BDP1: variants seen among roughly 807,000 people sequenced by gnomAD.
BDP1 encodes BDP1 general transcription factor IIIB subunit, also known as transcription factor TFIIIB component B'' homolog.
Under a neutral mutation model 266.6 loss-of-function variants are expected in BDP1, and 169 were observed. That is an observed-to-expected ratio of 0.63 (90% CI 0.56 to 0.72). BDP1 has a LOEUF of 0.72. BDP1 is among the 30% of genes least tolerant of loss of function. The pLI, the probability that BDP1 is intolerant of heterozygous loss-of-function variation, is 0.00. For synonymous variants in BDP1, 1,090 were observed against 1,022.4 expected, an observed-to-expected ratio of 1.07 and a Z score of -1.26; for missense variants, 3,015 against 3,053.8, an observed-to-expected ratio of 0.99 and a Z score of 0.30.
chr5:71,550,688 G>A (rs1742680968), intron 34 of BDP1, among the ~76,000 whole-genome samples: 1 of 152,104 alleles, frequency 6.6e-6, no homozygotes, highest in African/African-American at 2.4e-5. Flanking sequence ...CCATCGTGTA[G>A]CATTAGAAAT....
downstream of BDP1, among the ~76,000 whole-genome samples, chr5:71,568,791 T>C (rs468564): frequency 0.45 from 68,192 of 151,996 alleles, 15,660 homozygotes; most frequent in South Asian, 0.55. Context: ...GTTAGCATAA[T>C]GTTATACATG....
intron 16 of BDP1, among the ~76,000 whole-genome samples, chr5:71,505,759 G>T (rs544172787): frequency 1.1e-4 from 16 of 152,270 alleles, no homozygotes; most frequent in Non-Finnish European, 2.4e-4. Flanking sequence ...TACATGGAAG[G>T]CTGAAGGAAG....
At chr5:71,568,937 T>G (rs909229193), downstream of BDP1, among the ~76,000 whole-genome samples, 17 of 152,232 alleles carry the variant, frequency 1.1e-4, no homozygotes, top group Admixed American at 2.6e-4. Flanking sequence ...TAATTCAAGT[T>G]CTTTTAATTT....
chr5:71,492,922 A>G (rs943189748), intron 11 of BDP1, among the ~76,000 whole-genome samples: 14 of 152,194 alleles, frequency 9.2e-5, no homozygotes, highest in African/African-American at 3.4e-4. Context: ...TATCACTGGA[A>G]ACAGAAAACC....
intron 25 of BDP1, among the ~76,000 whole-genome samples, chr5:71,528,608 G>A (rs931500460): frequency 2.0e-5 from 3 of 152,120 alleles, no homozygotes; most frequent in Non-Finnish European, 4.4e-5. Context: ...AAGAATTAAC[G>A]GATTATCTGA....
intron 16 of BDP1, among the ~76,000 whole-genome samples, chr5:71,505,169 G>A (rs1255110820): frequency 6.6e-6 from 1 of 152,012 alleles, no homozygotes; most frequent in Non-Finnish European, 1.5e-5. Flanking sequence ...ACCAAGCCCA[G>A]CTAATTTTTG....
intron 17 of BDP1, 49 bp downstream of exon 17, chr5:71,511,200 G>A (rs778222197): frequency 3.3e-6 from 5 of 1,508,392 alleles, no homozygotes; most frequent in Admixed American, 2.1e-5. Flanking sequence ...TTTTTTCAGA[G>A]GAAATAAATA....
At position 71,554,120 on chromosome 5, in the gene BDP1, T is replaced by C. The variant is rs540206674; in HGVS notation, c.7200+800T>C. On this transcript the variant is annotated intron_variant, in intron 35 of 38. Coordinates refer to ENST00000358731, the MANE Select transcript of BDP1 (RefSeq NM_018429.3). ...CAAAGAGAAAGTTAAAGACCAATAG[T>C]TCTTGAGTAATAGTTGACAAAGAGC... 9.2e-5 allele frequency among the ~76,000 whole-genome samples: 14 copies of C among 152,326 alleles called. No individual in the cohort carries two copies. In the South Asian group the frequency reaches 2.7e-3, roughly 29 times the overall value.
At chr5:71,518,169 T>G (rs550953102) in intron 22 of BDP1, among the ~76,000 whole-genome samples, 4 of 152,334 alleles carry the variant, frequency 2.6e-5, no homozygotes, top group African/African-American at 9.6e-5. Flanking sequence ...CGCCTTTCCT[T>G]TCTGTATATA....
Position 71,455,666 on chromosome 5 carries a change from C to T in BDP1, c.-212C>T, listed in dbSNP as rs908620710. 3.9e-5 allele frequency: 23 copies of T among 585,576 alleles called. No individual in the cohort carries two copies. Among genetic ancestry groups the T allele is most frequent in the Non-Finnish European group, 6.1e-5 (20 of 329,306 alleles). The allele number at this position is 585,576 out of a possible 1,614,324, so 36.3% of individuals were successfully genotyped here. A position where few individuals can be genotyped will look rare whatever the true frequency, so the allele number is the denominator to read the frequency against. On this transcript the variant is annotated 5_prime_UTR_variant, in exon 1 of 39. Coordinates refer to ENST00000358731, the MANE Select transcript of BDP1 (RefSeq NM_018429.3). The stretch of plus-strand genomic sequence containing the variant: ...ATGCTGGGAGGAGGGTGAAATTTAG[C>T]CATCGGTGTGTGGCAGGGTCATGAA...
chr5:71,461,639 G>A (rs1761571004), intron 2 of BDP1, among the ~76,000 whole-genome samples, 178 bp from the exon 3 acceptor site: 1 of 151,922 alleles, frequency 6.6e-6, no homozygotes, highest in South Asian at 2.1e-4. Context: ...AAAACTAAAA[G>A]CTATTGAGGG....
At chr5:71,511,315 CTG>C (rs1764907559) in intron 17 of BDP1, 164 bp downstream of exon 17, 1 of 670,278 alleles carries the variant, frequency 1.5e-6, no homozygotes, top group South Asian at 2.2e-5. Context: ...CTTGAAGAAA[CTG>C]TATGTTCTTT....
chr5:71,555,277 A>G (rs1016855271), intron 35 of BDP1, among the ~76,000 whole-genome samples: 1 of 152,196 alleles, frequency 6.6e-6, no homozygotes, highest in African/African-American at 2.4e-5. Context: ...TGAATAATTC[A>G]TCTTATTTCC....
intron 22 of BDP1, among the ~76,000 whole-genome samples, chr5:71,521,377 C>T (rs1362084225): frequency 6.7e-6 from 1 of 148,780 alleles, no homozygotes; most frequent in Non-Finnish European, 1.5e-5. Flanking sequence ...ACTGTAACCT[C>T]CACCTCCCAG....
At chr5:71,498,390 C>T (rs181343835) in intron 13 of BDP1, among the ~76,000 whole-genome samples, 61 of 152,102 alleles carry the variant, frequency 4.0e-4, no homozygotes, top group African/African-American at 1.4e-3. Context: ...GCCAGCTCAC[C>T]TGGTCAATAA....
At chr5:71,519,603 C>T (rs1765395514) in intron 22 of BDP1, among the ~76,000 whole-genome samples, 1 of 152,182 alleles carries the variant, frequency 6.6e-6, no homozygotes, top group African/African-American at 2.4e-5. Flanking sequence ...ACATAATGAC[C>T]TCTAGTTCCA....
chr5:71,534,396 A>T (rs1399296397), intron 26 of BDP1, among the ~76,000 whole-genome samples: 1 of 152,080 alleles, frequency 6.6e-6, no homozygotes, highest in African/African-American at 2.4e-5. Flanking sequence ...CTGACCATAG[A>T]TGTATGGGTT....
chr5:71,473,803 A>G (rs917195310), intron 7 of BDP1, among the ~76,000 whole-genome samples: 3 of 151,514 alleles, frequency 2.0e-5, no homozygotes, highest in East Asian at 1.9e-4. Flanking sequence ...AACATTAGGT[A>G]TATCTCCTAA....
chr5:71,472,618 T>C (rs1178101873), intron 7 of BDP1, among the ~76,000 whole-genome samples: 2 of 152,198 alleles, frequency 1.3e-5, no homozygotes, highest in Non-Finnish European at 2.9e-5. Flanking sequence ...ATTTTTTTGC[T>C]ACTTTGTTCA....
Sources: gnomAD v4.1 joint callset for allele counts (sites outside exome capture counted in the v4.1 genomes callset) on GRCh38, gnomAD v4.1.1 for gene constraint, MANE v1.5 for transcripts, NCBI Gene and HGNC (gene_info 2026-07-23, HGNC 2026-07-21) for gene names.